The following ERN2 variants were observed in gnomAD, a reference collection of about 807,000 sequenced individuals.
ERN2 encodes the protein serine/threonine-protein kinase/endoribonuclease IRE2.
ERN2 carries 111 observed loss-of-function variants against 107.9 expected under a neutral mutation model. The observed-to-expected ratio is 1.03, with a 90% CI of 0.88 to 1.20. ERN2 has a LOEUF of 1.20. Ranked by LOEUF, ERN2 falls within the 50% of genes most tolerant of loss-of-function variation. The pLI is 0.00. For missense variants in ERN2, 1,225 were observed against 1,197.9 expected, an observed-to-expected ratio of 1.02 and a Z score of -0.33; for synonymous variants, 524 against 501.7, an observed-to-expected ratio of 1.04 and a Z score of -0.59.
chr16:23,711,402 G>A (rs1224234468), intron 1 of ERN2, among the ~76,000 whole-genome samples: 1 of 152,138 alleles, frequency 6.6e-6, no homozygotes, highest in Non-Finnish European at 1.5e-5. Flanking sequence ...TATTGCCCAG[G>A]CTGGAATGAA....
chr16:23,706,287 G>A (rs1960303422), intron 7 of ERN2, 43 bp downstream of exon 7: 16 of 1,358,428 alleles, frequency 1.2e-5, no homozygotes, highest in South Asian at 1.5e-5. Context: ...CCCTGGGTTG[G>A]GGACCTTGCT....
At chr16:23,706,291 C>G in intron 7 of ERN2, 39 bp downstream of exon 7, 1 of 1,388,092 alleles carries the variant, frequency 7.2e-7, no homozygotes, top group Non-Finnish European at 9.7e-7. Context: ...GGGTTGGGGA[C>G]CTTGCTCCAA....
chr16:23,702,284 G>A lies in ERN2; in HGVS notation c.1082-11C>T. 1 of 1,613,936 alleles carries A rather than the reference G, an allele frequency of 6.2e-7. No individual in the cohort carries two copies. The highest frequency in any genetic ancestry group is 1.1e-5 in the South Asian group (1 of 91,068). On this transcript the variant is annotated splice_polypyrimidine_tract_variant and intron_variant, in intron 10 of 21. Transcript: ENST00000256797. ...GTAGCTCGTGGTGTCCTAAGGTGGG[G>A]GGCAAAAGTCATCAGGCTGAAGGGG... is the stretch of plus-strand genomic sequence containing the variant.
chr16:23,699,097 A>ACC (rs1237804976), intron 13 of ERN2, among the ~76,000 whole-genome samples: 1 of 152,068 alleles, frequency 6.6e-6, no homozygotes, highest in Non-Finnish European at 1.5e-5. Flanking sequence ...ACTTGGACCC[A>ACC]CCCAGGGCCA....
chr16:23,695,466 C>G lies in ERN2; in HGVS notation c.1611-77G>C, dbSNP rs1219544187. 2.1e-6 allele frequency: 3 copies of G among 1,415,838 alleles called. No individual in the cohort carries two copies. In the Admixed American group the frequency reaches 6.1e-5, roughly 29 times the overall value. 87.7% of individuals were successfully genotyped at this position (1,415,838 alleles called of 1,614,324 possible). A position where few individuals can be genotyped will look rare whatever the true frequency, so the allele number is the denominator to read the frequency against. On this transcript the variant is annotated intron_variant, in intron 14 of 21. Transcript: ENST00000256797. Reference sequence around the variant, plus strand: ...AAGGGACAAACATGGTGGCTCACACCTGTAATCCTAGCACTTTGGGAGGCC... The same window carrying G: ...AAGGGACAAACATGGTGGCTCACACGTGTAATCCTAGCACTTTGGGAGGCC...
chr16:23,710,447 C>T (rs1960494457), intron 3 of ERN2, 69 bp downstream of exon 3: 1 of 1,529,436 alleles, frequency 6.5e-7, no homozygotes, highest in South Asian at 1.1e-5. Flanking sequence ...CATACAAACT[C>T]TCTCCAGACA....
intron 13 of ERN2, 105 bp downstream of exon 13, chr16:23,700,434 C>T (rs1019569922): frequency 2.6e-6 from 3 of 1,161,748 alleles, no homozygotes; most frequent in African/African-American, 3.1e-5. Flanking sequence ...TCATGTAGAC[C>T]TAACCACCCC....
chr16:23,699,433 A>T (rs1959958966), intron 13 of ERN2, among the ~76,000 whole-genome samples: 1 of 152,170 alleles, frequency 6.6e-6, no homozygotes, highest in African/African-American at 2.4e-5. Flanking sequence ...GCTGATTGGT[A>T]AAGGCATGCA....
chr16:23,706,488 C>T (rs1429539498), intron 6 of ERN2, 57 bp from the exon 7 acceptor site: 16 of 1,308,034 alleles, frequency 1.2e-5, no homozygotes, highest in Non-Finnish European at 1.6e-5. Flanking sequence ...CCCTCCAACC[C>T]CAGGGGCCAT....
rs1337346214 is a variant in ERN2 at position 23,707,187 on chromosome 16, T to C, written c.307-108A>G. ...AACCAATTAACAGGTATTACTATCATTTCCACTTTTCAGGTAAGGAAACTG... is the reference window on the plus strand; with the variant it reads ...AACCAATTAACAGGTATTACTATCACTTCCACTTTTCAGGTAAGGAAACTG... On this transcript the variant is annotated intron_variant, in intron 4 of 21. Coordinates refer to ENST00000256797, the MANE Select transcript of ERN2 (RefSeq NM_033266.4). 1.0e-5 allele frequency: 8 copies of C among 798,208 alleles called. No individual in the cohort carries two copies. In the African/African-American group the frequency reaches 1.4e-4, roughly 14 times the overall value. 49.4% of individuals were successfully genotyped at this position (798,208 alleles called of 1,614,324 possible). A position where few individuals can be genotyped will look rare whatever the true frequency, so the allele number is the denominator to read the frequency against.
chr16:23,698,708 C>T (rs918396887), intron 13 of ERN2, among the ~76,000 whole-genome samples: 11 of 152,096 alleles, frequency 7.2e-5, no homozygotes, highest in African/African-American at 2.7e-4. Flanking sequence ...ACCTCAGCCA[C>T]CCCCCAGTAG....
In ERN2 at chr16:23,712,996, G is replaced by A. The variant is rs942096209; in HGVS notation, c.93+99C>T. 6 of 879,226 alleles carry A rather than the reference G, an allele frequency of 6.8e-6. No homozygotes were observed. In the South Asian group the frequency reaches 9.4e-5, roughly 14 times the overall value. The allele number at this position is 879,226 out of a possible 1,614,324, so 54.5% of individuals were successfully genotyped here. On this transcript the variant is annotated intron_variant, in intron 1 of 21. Coordinates refer to ENST00000256797, the MANE Select transcript of ERN2 (RefSeq NM_033266.4). Reference sequence around the variant, plus strand: ...ACCCAGGCGTGAGGGAGGGAGAGGTGCCCCCGTGGCCCCGCCGCGCCCTCG... The same window carrying A: ...ACCCAGGCGTGAGGGAGGGAGAGGTACCCCCGTGGCCCCGCCGCGCCCTCG...
intron 7 of ERN2, 88 bp from the exon 8 acceptor site, chr16:23,705,235 G>C: frequency 6.9e-7 from 1 of 1,439,648 alleles, no homozygotes; most frequent in Non-Finnish European, 9.6e-7. Context: ...GGTCAGTCTG[G>C]TGTGTGGAGA....
intron 4 of ERN2, 107 bp downstream of exon 4, chr16:23,710,065 C>T: frequency 1.3e-6 from 1 of 766,940 alleles, no homozygotes; most frequent in South Asian, 1.6e-5. Flanking sequence ...TGACTTATAT[C>T]CTCTGCAGAA....
At chr16:23,692,139 G>C in intron 18 of ERN2, 45 bp downstream of exon 18, 1 of 1,613,834 alleles carries the variant, frequency 6.2e-7, no homozygotes, top group South Asian at 1.1e-5. Context: ...CCTGCCTAGC[G>C]TCTTGCCCGT....
In ERN2 at chr16:23,706,429, A is replaced by T. The variant is rs1960318185; in HGVS notation, c.490T>A (p.Tyr164Asn). ...TPRLYIGRTQ[Y>N]TVTMHDPRAP... is the part of the protein sequence containing the mutation. ...CTTGGGTCATGCATGGTGACCGTAT[A>T]CTCTGGGGATCCCAGAAGCAAGATT... Residue 164 changes from tyrosine to asparagine, a missense_variant and splice_region_variant, in exon 7 of 22, where the codon TAT becomes AAT. Tyr to Asn is a moderately radical substitution (Grantham distance 143). Coordinates refer to ENST00000256797, the MANE Select transcript of ERN2 (RefSeq NM_033266.4). The T allele has an allele frequency of 6.4e-7, 1 of 1,564,028 alleles. No homozygotes were observed. Among genetic ancestry groups the T allele is most frequent in the Admixed American group, 1.9e-5 (1 of 52,576 alleles).
chr16:23,706,244 G>T (rs1960301498), intron 7 of ERN2, 86 bp downstream of exon 7: 1 of 928,342 alleles, frequency 1.1e-6, no homozygotes, highest in Non-Finnish European at 1.6e-6. Context: ...TCGAAATGTG[G>T]CTGGGAATTG....
intron 1 of ERN2, 52 bp from the exon 2 acceptor site, chr16:23,711,070 T>A: frequency 7.9e-7 from 1 of 1,262,896 alleles, no homozygotes; most frequent in South Asian, 1.2e-5. Context: ...GGGACCACCC[T>A]TTGCTCCTGT....
At position 23,691,182 on chromosome 16, in the gene ERN2, G is replaced by A. The variant is rs377714643; in HGVS notation, c.2515C>T (p.Arg839Trp). The A allele has an allele frequency of 2.7e-5, 43 of 1,613,860 alleles. No homozygotes were observed. Among genetic ancestry groups the A allele is most frequent in the African/African-American group, 1.6e-4 (12 of 74,834 alleles). The part of the protein sequence containing the change: ...MPLQTDLRKF[R>W]SYKGTSVRDL... The stretch of plus-strand genomic sequence containing the variant: ...CGCACTGATGTCCCCTTATAGGACC[G>A]GAACTTTCTCAGATCTGTGGACAGG... The change falls in exon 21 of 22, where the codon CGG becomes TGG. Residue 839 changes from arginine (R) to tryptophan (W), a missense_variant. Arg to Trp is a moderately radical substitution (Grantham distance 101). Coordinates refer to ENST00000256797, the MANE Select transcript of ERN2 (RefSeq NM_033266.4).
Sources: gnomAD v4.1 joint callset for allele counts (sites outside exome capture counted in the v4.1 genomes callset) on GRCh38, gnomAD v4.1.1 for gene constraint, MANE v1.5 for transcripts, NCBI Gene and HGNC (gene_info 2026-07-23, HGNC 2026-07-21) for gene names.